ZNF385B: variants seen among roughly 807,000 people sequenced by gnomAD.
The protein encoded by ZNF385B is zinc finger protein 533.
In ZNF385B, 23 loss-of-function variants were observed where a neutral mutation model predicts 39.2. The ratio of observed to expected loss-of-function variants is 0.59; its 90% CI spans 0.42 to 0.83. ZNF385B has a LOEUF of 0.83. ZNF385B is among the 40% of genes least tolerant of loss of function. The probability of loss-of-function intolerance (pLI) is 0.00; values close to 1 mark genes in which losing one functional copy is unlikely to be tolerated. For missense variants in ZNF385B, 552 were observed against 598.9 expected (o/e 0.92, Z 0.82); for synonymous variants, 205 against 222.6 (o/e 0.92, Z 0.70).
At chr2:179,760,109 C>T (rs929817892) in intron 3 of ZNF385B, among the ~76,000 whole-genome samples, 27 of 147,752 alleles carry the variant, frequency 1.8e-4, no homozygotes, top group African/African-American at 6.3e-4. Flanking sequence ...AGTGCAGTGG[C>T]GTGATCTCAA....
chr2:179,787,374 TG>T (rs1312237281), intron 1 of ZNF385B, among the ~76,000 whole-genome samples: 1 of 152,052 alleles, frequency 6.6e-6, no homozygotes, highest in Non-Finnish European at 1.5e-5. Flanking sequence ...GTTTTAAACA[TG>T]GTACGTAGTA....
At chr2:179,533,532 A>G (rs1474590112) in intron 4 of ZNF385B, among the ~76,000 whole-genome samples, 1 of 152,188 alleles carries the variant, frequency 6.6e-6, no homozygotes, top group African/African-American at 2.4e-5. Flanking sequence ...ACTTACAATT[A>G]GACGCCATGC....
chr2:179,676,505 T>A (rs192838254), intron 3 of ZNF385B, among the ~76,000 whole-genome samples: 8 of 152,324 alleles, frequency 5.3e-5, no homozygotes, highest in Non-Finnish European at 1.2e-4. Flanking sequence ...ATTACAGGCG[T>A]GAGGCCGACA....
At chr2:179,470,973 T>C (rs187751378) in intron 6 of ZNF385B, among the ~76,000 whole-genome samples, 1 of 152,310 alleles carries the variant, frequency 6.6e-6, no homozygotes, top group East Asian at 1.9e-4. Context: ...TCTTGGTCTT[T>C]GCCACCCAGA....
intron 3 of ZNF385B, among the ~76,000 whole-genome samples, chr2:179,688,325 G>C (rs371906921): frequency 6.6e-6 from 1 of 152,074 alleles, no homozygotes; most frequent in Admixed American, 6.6e-5. Flanking sequence ...AGGAAAGTAA[G>C]TAAAAACCTT....
chr2:179,497,833 C>A (rs1323306295), intron 5 of ZNF385B, among the ~76,000 whole-genome samples: 1 of 152,068 alleles, frequency 6.6e-6, no homozygotes, highest in East Asian at 1.9e-4. Flanking sequence ...CACACTTCAC[C>A]TGTAAAGACA....
intron 3 of ZNF385B, among the ~76,000 whole-genome samples, chr2:179,548,001 C>T (rs1189685677): frequency 1.3e-5 from 2 of 149,316 alleles, no homozygotes; most frequent in Non-Finnish European, 3.0e-5. Context: ...AATAGGATTA[C>T]CTTCTTGATT....
intron 5 of ZNF385B, among the ~76,000 whole-genome samples, chr2:179,501,755 C>T (rs2056783783): frequency 1.3e-5 from 2 of 152,094 alleles, no homozygotes; most frequent in African/African-American, 4.8e-5. Context: ...GTTTGTAACT[C>T]AAAGGATAAA....
At chr2:179,484,129 C>T (rs1376220178) in intron 5 of ZNF385B, among the ~76,000 whole-genome samples, 1 of 152,090 alleles carries the variant, frequency 6.6e-6, no homozygotes, top group Non-Finnish European at 1.5e-5. Context: ...ACTCTAACTT[C>T]AGTACTAGAT....
intron 3 of ZNF385B, among the ~76,000 whole-genome samples, chr2:179,562,777 A>C (rs918692643): frequency 6.6e-6 from 1 of 152,176 alleles, no homozygotes; most frequent in Non-Finnish European, 1.5e-5. Flanking sequence ...TGACACCCAC[A>C]TCTCCCTCCT....
At chr2:179,814,396 T>C (rs1476892165) in intron 1 of ZNF385B, 5 of 406,874 alleles carry the variant, frequency 1.2e-5, no homozygotes, top group Non-Finnish European at 2.4e-5. Context: ...TACAGCATCA[T>C]TGAGAAGGTT....
chr2:179,679,213 G>T (rs1235445907), intron 3 of ZNF385B, among the ~76,000 whole-genome samples: 2 of 152,092 alleles, frequency 1.3e-5, no homozygotes, highest in Non-Finnish European at 2.9e-5. Context: ...TTATAATAAT[G>T]TATTTTTATA....
Position 179,508,657 on chromosome 2 carries a change from C to T in ZNF385B, c.552+9871G>A, listed in dbSNP as rs536587964. On this transcript the variant is annotated intron_variant, in intron 5 of 9. Transcript: ENST00000410066. ...GGAAATGTACCAAAACTTGCAATTTCGATGGTGAATCATGGATAATCATTT... is the reference window on the plus strand; with the variant it reads ...GGAAATGTACCAAAACTTGCAATTTTGATGGTGAATCATGGATAATCATTT... 1.2e-4 allele frequency among the ~76,000 whole-genome samples: 18 copies of T among 152,224 alleles called. No homozygotes were observed. The South Asian group carries it at 1.7e-3, about 14-fold the overall frequency.
chr2:179,470,370 T>G (rs557295631), intron 6 of ZNF385B, among the ~76,000 whole-genome samples: 75 of 152,340 alleles, frequency 4.9e-4, no homozygotes, highest in African/African-American at 1.7e-3. Context: ...AAGAAAATGT[T>G]AATCCACTTC....
At chr2:179,822,600 C>T (rs1415056647) in intron 1 of ZNF385B, among the ~76,000 whole-genome samples, 1 of 152,116 alleles carries the variant, frequency 6.6e-6, no homozygotes, top group African/African-American at 2.4e-5. Context: ...ACATCATGAA[C>T]CTAAAGACCC....
chr2:179,755,420 A>C (rs1355904989), intron 3 of ZNF385B, among the ~76,000 whole-genome samples: 1 of 152,030 alleles, frequency 6.6e-6, no homozygotes, highest in Non-Finnish European at 1.5e-5. Flanking sequence ...TGATTTGGGG[A>C]GGAGAGTTCT....
chr2:179,719,273 G>T (rs1042499195), intron 3 of ZNF385B, among the ~76,000 whole-genome samples: 2 of 152,028 alleles, frequency 1.3e-5, no homozygotes, highest in African/African-American at 4.8e-5. Context: ...TGCATGAGCC[G>T]ACCAAGCTGG....
chr2:179,653,348 C>T (rs777646473), intron 3 of ZNF385B, among the ~76,000 whole-genome samples: 1 of 152,174 alleles, frequency 6.6e-6, no homozygotes, highest in African/African-American at 2.4e-5. Flanking sequence ...TCCTTCTGTG[C>T]CTGCATTCTG....
intron 5 of ZNF385B, chr2:179,514,385 T>C (rs1229772350): frequency 6.6e-6 from 1 of 152,224 alleles, no homozygotes; most frequent in Non-Finnish European, 1.5e-5. Context: ...CCTTTTATCA[T>C]GAGGTCAGAA....
Sources: allele counts gnomAD v4.1 joint callset (sites outside exome capture counted in the v4.1 genomes callset), GRCh38; gene constraint gnomAD v4.1.1; transcripts MANE v1.5; gene names NCBI Gene and HGNC (gene_info 2026-07-23, HGNC 2026-07-21).